Variants in B3GALT1 observed in about 807,000 individuals in gnomAD.
The protein encoded by B3GALT1 is UDP-Gal:betaGlcNAc beta 1,3-galactosyltransferase, polypeptide 1.
Under a neutral mutation model 23.2 loss-of-function variants are expected in B3GALT1, and 10 were observed. That is an observed-to-expected ratio of 0.43 (90% CI 0.27 to 0.73). The LOEUF (loss-of-function observed/expected upper bound fraction) is 0.73. B3GALT1 is among the 30% of genes least tolerant of loss of function. The pLI is 0.21. For missense variants in B3GALT1, 299 were observed against 405.4 expected, an observed-to-expected ratio of 0.74 and a Z score of 2.25; for synonymous variants, 156 against 141.5, an observed-to-expected ratio of 1.10 and a Z score of -0.73.
chr2:167,488,526 A>G, intron 1 of B3GALT1, among the ~76,000 whole-genome samples: 1 of 152,254 alleles, frequency 6.6e-6, no homozygotes, highest in Non-Finnish European at 1.5e-5. Context: ...AGTTCATCTT[A>G]AAGACTGTCA....
intron 1 of B3GALT1, among the ~76,000 whole-genome samples, chr2:167,323,873 G>C (rs1406598200): frequency 2.6e-5 from 4 of 151,760 alleles, no homozygotes; most frequent in African/African-American, 9.7e-5. Context: ...AGTTGTACTT[G>C]TCCACTCCCT....
chr2:167,681,577 C>G, intron 3 of B3GALT1, among the ~76,000 whole-genome samples: 1 of 152,300 alleles, frequency 6.6e-6, no homozygotes, highest in East Asian at 1.9e-4. Context: ...AGCAAGAAGA[C>G]AACTGATTTC....
At chr2:167,867,147 C>G (rs532270922) in intron 4 of B3GALT1, among the ~76,000 whole-genome samples, 6 of 152,108 alleles carry the variant, frequency 3.9e-5, no homozygotes, top group Non-Finnish European at 5.9e-5. Flanking sequence ...AGGATGGTCT[C>G]GATCTCCTGA....
chr2:167,864,280 TG>T (rs1690166411), intron 4 of B3GALT1, among the ~76,000 whole-genome samples: 1 of 151,592 alleles, frequency 6.6e-6, no homozygotes, highest in Admixed American at 6.6e-5. Flanking sequence ...AGGACAGGAG[TG>T]GTGGCTCACA....
intron 3 of B3GALT1, among the ~76,000 whole-genome samples, chr2:167,774,427 A>G (rs1688122473): frequency 6.8e-6 from 1 of 147,234 alleles, no homozygotes; most frequent in Admixed American, 6.8e-5. Flanking sequence ...TGAAGGACCT[A>G]GTATCCTTTG....
chr2:167,354,342 ATCT>A (rs1434189752), intron 1 of B3GALT1, among the ~76,000 whole-genome samples: 14 of 128,348 alleles, frequency 1.1e-4, no homozygotes, highest in Admixed American at 3.1e-4. Flanking sequence ...TCCTTGGTAA[ATCT>A]TCTTTTTTTT....
intron 3 of B3GALT1, among the ~76,000 whole-genome samples, chr2:167,661,568 C>G (rs1156622253): frequency 6.6e-6 from 1 of 152,052 alleles, no homozygotes; most frequent in Non-Finnish European, 1.5e-5. Context: ...TGTTTAGCAG[C>G]ATTGTTAGCC....
chr2:167,632,470 T>C (rs180982060), intron 2 of B3GALT1, among the ~76,000 whole-genome samples: 1 of 152,214 alleles, frequency 6.6e-6, no homozygotes, highest in East Asian at 1.9e-4. Flanking sequence ...TTTCCAGACT[T>C]TTTAATGATT....
intron 1 of B3GALT1, among the ~76,000 whole-genome samples, chr2:167,436,385 G>C (rs1174482070): frequency 1.3e-5 from 2 of 151,936 alleles, no homozygotes; most frequent in African/African-American, 4.8e-5. Flanking sequence ...TTAATGACTT[G>C]CTCCCTCATT....
intron 2 of B3GALT1, among the ~76,000 whole-genome samples, chr2:167,518,392 A>G (rs1038682984): frequency 2.0e-5 from 3 of 152,198 alleles, no homozygotes; most frequent in Non-Finnish European, 4.4e-5. Flanking sequence ...ACCCTTTCAT[A>G]AACAGTATGA....
intron 1 of B3GALT1, among the ~76,000 whole-genome samples, chr2:167,293,806 A>G (rs939958276): frequency 2.0e-5 from 3 of 152,028 alleles, no homozygotes; most frequent in East Asian, 3.9e-4. Context: ...CTGGCGCGCC[A>G]GGGGAGAGGC....
chr2:167,548,019 A>C (rs1019763875), intron 2 of B3GALT1, among the ~76,000 whole-genome samples: 6 of 152,226 alleles, frequency 3.9e-5, no homozygotes, highest in Admixed American at 3.9e-4. Context: ...CTAATCTTTT[A>C]AATGTTAACC....
intron 4 of B3GALT1, among the ~76,000 whole-genome samples, chr2:167,835,565 G>A (rs1689445862): frequency 6.6e-6 from 1 of 152,238 alleles, no homozygotes; most frequent in South Asian, 2.1e-4. Context: ...ACAGCTCAAG[G>A]AGGGCTGCCT....
At chr2:167,416,705 A>C (rs981643489) in intron 1 of B3GALT1, among the ~76,000 whole-genome samples, 1 of 152,174 alleles carries the variant, frequency 6.6e-6, no homozygotes, top group Non-Finnish European at 1.5e-5. Context: ...ATGAGCTACC[A>C]TGTGACTAGC....
chr2:167,813,854 A>C (rs35098789), intron 3 of B3GALT1, among the ~76,000 whole-genome samples: 5,517 of 152,310 alleles, frequency 0.036, 140 homozygotes, highest in East Asian at 0.12. Context: ...TGAGTTGCAT[A>C]CAGCAATATC....
intron 1 of B3GALT1, among the ~76,000 whole-genome samples, chr2:167,382,445 CCCTCCTTCTGTT>C (rs1177136879): frequency 6.6e-6 from 1 of 151,606 alleles, no homozygotes; most frequent in Non-Finnish European, 1.5e-5. Context: ...CTCCCTATCT[CCCTCCTTCTGTT>C]CCTCCCTCTC....
intron 3 of B3GALT1, among the ~76,000 whole-genome samples, chr2:167,709,189 T>C (rs1295711156): frequency 1.3e-5 from 2 of 152,184 alleles, no homozygotes; most frequent in Non-Finnish European, 2.9e-5. Flanking sequence ...GGAGATGTTT[T>C]TGCCATGGGC....
At chr2:167,373,648 G>A (rs1015343706) in intron 1 of B3GALT1, among the ~76,000 whole-genome samples, 16 of 152,112 alleles carry the variant, frequency 1.1e-4, no homozygotes, top group Non-Finnish European at 2.1e-4. Flanking sequence ...GAAGATATTA[G>A]CATTTAGATA....
At chr2:167,609,400 A>G (rs1307219999) in intron 2 of B3GALT1, among the ~76,000 whole-genome samples, 2 of 152,216 alleles carry the variant, frequency 1.3e-5, no homozygotes, top group African/African-American at 4.8e-5. Flanking sequence ...AGCCAACTTA[A>G]GCTGATTTAG....
Sources: allele counts gnomAD v4.1 joint callset (sites outside exome capture counted in the v4.1 genomes callset), GRCh38; gene constraint gnomAD v4.1.1; transcripts MANE v1.5; gene names NCBI Gene and HGNC (gene_info 2026-07-23, HGNC 2026-07-21).